Variants in FBXW8 observed in about 807,000 individuals in gnomAD.
The protein encoded by FBXW8 is F-box and WD repeat domain containing 8, also known as F-box/WD repeat-containing protein 8.
A neutral mutation model predicts 65.3 loss-of-function variants in FBXW8; 57 were observed. That is an observed-to-expected ratio of 0.87 (90% confidence interval 0.71 to 1.09). The LOEUF (loss-of-function observed/expected upper bound fraction) is 1.09, where lower values mean the gene tolerates loss of function less well. FBXW8 is among the 50% of genes least tolerant of loss of function. FBXW8 has a pLI of 0.00. For synonymous variants in FBXW8, 308 were observed against 330.2 expected (o/e 0.93, Z 0.73); for missense variants, 777 against 814.8 (o/e 0.95, Z 0.57).
intron 6 of FBXW8, 26 bp downstream of exon 6, chr12:116,985,428 A>G: frequency 6.2e-7 from 1 of 1,603,040 alleles, no homozygotes; most frequent in Middle Eastern, 1.7e-4. Context: ...TGGTCATCTT[A>G]TTTTCTATTC....
intron 7 of FBXW8, among the ~76,000 whole-genome samples, chr12:117,004,501 G>A (rs1189958851): frequency 6.6e-6 from 1 of 152,188 alleles, no homozygotes; most frequent in Non-Finnish European, 1.5e-5. Context: ...GGTACTGGGA[G>A]GTATGTTACC....
intron 1 of FBXW8, among the ~76,000 whole-genome samples, chr12:116,916,909 T>TGA (rs563401472): frequency 0.068 from 4,193 of 61,350 alleles, 96 homozygotes; most frequent in South Asian, 0.16. Context: ...TGTGTGTGTG[T>TGA]GTGAGAGAGA....
At chr12:116,982,154 AT>A (rs1336587997) in intron 5 of FBXW8, among the ~76,000 whole-genome samples, 1 of 152,238 alleles carries the variant, frequency 6.6e-6, no homozygotes, top group Non-Finnish European at 1.5e-5. Context: ...AATTTAAAAA[AT>A]TAGCAAAATG....
chr12:116,934,480 A>G (rs1055182647), intron 2 of FBXW8, among the ~76,000 whole-genome samples: 1 of 152,148 alleles, frequency 6.6e-6, no homozygotes, highest in African/African-American at 2.4e-5. Flanking sequence ...AAAGGAGACA[A>G]TTTTTTAGTC....
intron 4 of FBXW8, among the ~76,000 whole-genome samples, chr12:116,962,649 C>G (rs1210822805): frequency 6.6e-6 from 1 of 152,244 alleles, no homozygotes; most frequent in African/African-American, 2.4e-5. Context: ...TTCCCTTTAT[C>G]TTTCTTTCAC....
chr12:116,975,544 A>G lies in FBXW8; in HGVS notation c.836-9662A>G, dbSNP rs149260642. Among the ~76,000 whole-genome samples the G allele has an allele frequency of 3.9e-3, 601 of 152,362 alleles. 2 individuals are homozygous for G. Among genetic ancestry groups the G allele is most frequent in the African/African-American group, 0.012 (517 of 41,586 alleles). On this transcript the variant is annotated intron_variant, in intron 5 of 10. Transcript: ENST00000652555. ...GGGGGGACACAACATTCAGATGAGC[A>G]ATGAGTAACAGGACATTTGCATGGT...
chr12:116,967,044 T>TA (rs916074221), intron 5 of FBXW8, among the ~76,000 whole-genome samples: 10 of 151,968 alleles, frequency 6.6e-5, no homozygotes, highest in Non-Finnish European at 1.2e-4. Context: ...AAAATGTATA[T>TA]AAAATGACAA....
chr12:117,023,641 G>C (rs1158019855), intron 8 of FBXW8, among the ~76,000 whole-genome samples: 4 of 152,214 alleles, frequency 2.6e-5, no homozygotes, highest in African/African-American at 9.6e-5. Flanking sequence ...AAGGATAAAG[G>C]CTTTCCCTTT....
chr12:116,975,058 A>G (rs912407769), intron 5 of FBXW8, among the ~76,000 whole-genome samples: 9 of 152,218 alleles, frequency 5.9e-5, no homozygotes, highest in African/African-American at 2.2e-4. Context: ...CCATATTGGT[A>G]TCAATAAATA....
chr12:116,978,156 A>T (rs1407922930), intron 5 of FBXW8: 1 of 152,274 alleles, frequency 6.6e-6, no homozygotes, highest in Non-Finnish European at 1.5e-5. Flanking sequence ...GCAGGATGGC[A>T]TGCCACAGTA....
chr12:116,996,598 G>GA (rs1243467609), intron 7 of FBXW8, among the ~76,000 whole-genome samples: 1 of 151,676 alleles, frequency 6.6e-6, no homozygotes, highest in Non-Finnish European at 1.5e-5. Context: ...AATTTTAAAT[G>GA]AAAAAAATTG....
intron 4 of FBXW8, among the ~76,000 whole-genome samples, chr12:116,953,727 C>T (rs1475129289): frequency 3.3e-5 from 5 of 150,742 alleles, no homozygotes; most frequent in African/African-American, 4.9e-5. Flanking sequence ...GAGCCAAGAT[C>T]GCGCCACTGC....
At chr12:116,982,155 T>C (rs1359926407) in intron 5 of FBXW8, among the ~76,000 whole-genome samples, 2 of 152,056 alleles carry the variant, frequency 1.3e-5, no homozygotes, top group Non-Finnish European at 2.9e-5. Context: ...ATTTAAAAAA[T>C]TAGCAAAATG....
At position 116,925,240 on chromosome 12, in the gene FBXW8, G is replaced by C. The variant is rs544511298; in HGVS notation, c.319-2783G>C. Among the ~76,000 whole-genome samples the C allele has an allele frequency of 2.6e-5, 4 of 152,038 alleles. 1 individual carries two copies. Among genetic ancestry groups the C allele is most frequent in the South Asian group, 4.2e-4 (2 of 4,818 alleles). ...GTCATTGGATACAGGCTGCCTTAGT[G>C]GGGTGGGAGGGGATGCAACCTGGGT... On this transcript the variant is annotated intron_variant, in intron 1 of 10. Coordinates refer to ENST00000652555, the MANE Select transcript of FBXW8 (RefSeq NM_153348.3).
At chr12:117,002,197 G>A (rs1243291837) in intron 7 of FBXW8, among the ~76,000 whole-genome samples, 2 of 152,258 alleles carry the variant, frequency 1.3e-5, no homozygotes, top group Non-Finnish European at 2.9e-5. Flanking sequence ...TCCAGTCCTG[G>A]AACAGCGGGG....
Position 117,027,561 on chromosome 12 carries a change from C to T in FBXW8, c.1652+57C>T. ...ATCTTAGTTTGACTGATGTATAGAA[C>T]CCCACCCCCCCCGCCGTGACACATT... On this transcript the variant is annotated intron_variant, in intron 10 of 10. Coordinates refer to ENST00000652555, the MANE Select transcript of FBXW8 (RefSeq NM_153348.3). The T allele has an allele frequency of 2.3e-6, 3 of 1,298,902 alleles. No homozygotes were observed. The South Asian group carries it at 3.7e-5, about 16-fold the overall frequency. The allele number at this position is 1,298,902 out of a possible 1,614,324, so 80.5% of individuals were successfully genotyped here. A position where few individuals can be genotyped will look rare whatever the true frequency, so the allele number is the denominator to read the frequency against.
chr12:116,992,761 G>GGTGTGTGT (rs59119067), intron 7 of FBXW8, among the ~76,000 whole-genome samples: 20,871 of 143,446 alleles, frequency 0.15, 1,755 homozygotes, highest in Non-Finnish European at 0.19. Flanking sequence ...ATTATTCCAT[G>GGTGTGTGT]GTGTGTGTGT....
chr12:116,925,738 A>G (rs1881275628), intron 1 of FBXW8, among the ~76,000 whole-genome samples: 1 of 152,228 alleles, frequency 6.6e-6, no homozygotes, highest in Non-Finnish European at 1.5e-5. Flanking sequence ...CTTGTAAATG[A>G]TCAAGAACCA....
intron 5 of FBXW8, among the ~76,000 whole-genome samples, chr12:116,966,891 G>A (rs1358569588): frequency 2.0e-5 from 3 of 151,942 alleles, no homozygotes; most frequent in Non-Finnish European, 4.4e-5. Context: ...ACTAATTTTT[G>A]TATTTTTACT....
Sources: allele counts gnomAD v4.1 joint callset (sites outside exome capture counted in the v4.1 genomes callset), GRCh38; gene constraint gnomAD v4.1.1; transcripts MANE v1.5; gene names NCBI Gene and HGNC (gene_info 2026-07-23, HGNC 2026-07-21).